Variants in ACSS2 observed in about 807,000 individuals in gnomAD.
ACSS2 encodes acetyl-coenzyme A synthetase, cytoplasmic.
Under a neutral mutation model 90.6 loss-of-function variants are expected in ACSS2, and 58 were observed. The observed-to-expected ratio is 0.64, with a 90% CI of 0.52 to 0.80. The LOEUF is 0.80. Among genes scored for constraint, ACSS2 ranks in the 30% least tolerant of loss-of-function variants. The pLI is 0.00. For missense variants in ACSS2, 759 were observed against 912.0 expected, an observed-to-expected ratio of 0.83 and a Z score of 2.16; for synonymous variants, 300 against 330.9, an observed-to-expected ratio of 0.91 and a Z score of 1.01.
intron 2 of ACSS2, among the ~76,000 whole-genome samples, chr20:34,887,564 A>G (rs960165385): frequency 2.0e-5 from 3 of 151,872 alleles, no homozygotes; most frequent in Non-Finnish European, 4.4e-5. Flanking sequence ...ACATGGTGAA[A>G]CCCTGTCTCT....
At chr20:34,913,869 A>G in intron 5 of ACSS2, 44 bp downstream of exon 5, 1 of 1,583,818 alleles carries the variant, frequency 6.3e-7, no homozygotes, top group South Asian at 1.1e-5. Flanking sequence ...CCCATACCTC[A>G]AGCCTTGGTC....
At position 34,926,290 on chromosome 20, in the gene ACSS2, C is replaced by G; in HGVS notation, c.1903+9C>G. The G allele has an allele frequency of 6.2e-7, 1 of 1,613,282 alleles. No homozygotes were observed. The highest frequency in any genetic ancestry group is 1.1e-5 in the South Asian group (1 of 91,026). On this transcript the variant is annotated intron_variant, in intron 16 of 17. Transcript: ENST00000360596. ...GGAGCTCAAGAAGCAGAGTAAGGAGCCTCCCTGGGCAGGGACTATAGGGTC... is the reference window on the plus strand; with the variant it reads ...GGAGCTCAAGAAGCAGAGTAAGGAGGCTCCCTGGGCAGGGACTATAGGGTC...
chr20:34,877,486 A>C (rs6120750), intron 1 of ACSS2, among the ~76,000 whole-genome samples: 49,852 of 151,970 alleles, frequency 0.33, 8,721 homozygotes, highest in Middle Eastern at 0.41. Flanking sequence ...GTAATAGTTC[A>C]GAAGTTCTGA....
chr20:34,913,214 T>A, intron 3 of ACSS2, 27 bp downstream of exon 3: 1 of 1,609,222 alleles, frequency 6.2e-7, no homozygotes, highest in Admixed American at 1.7e-5. Context: ...GGGAAAGGAC[T>A]GGGGGTCTGG....
intron 2 of ACSS2, among the ~76,000 whole-genome samples, chr20:34,894,420 G>A (rs2080413289): frequency 6.6e-6 from 1 of 152,154 alleles, no homozygotes; most frequent in Non-Finnish European, 1.5e-5. Context: ...AACCTGGGAG[G>A]CAGAGGTTGA....
intron 1 of ACSS2, among the ~76,000 whole-genome samples, 190 bp downstream of exon 1, chr20:34,877,013 G>A (rs1298058091): frequency 6.6e-6 from 1 of 152,216 alleles, no homozygotes; most frequent in Non-Finnish European, 1.5e-5. Flanking sequence ...TGGGAGCTGG[G>A]GAGTTCCCTG....
In ACSS2 at chr20:34,919,440, A is replaced by G; in HGVS notation, c.840A>G (p.Ser280=). ...IKRSCPDVQI[S]WNQGIDLWWH... is the part of the protein sequence containing the mutation. ...TTCCCTGCCCATCCCTGCAGATCTC[A>G]TGGAACCAAGGGATTGACTTGTGGT... is the stretch of plus-strand genomic sequence containing the variant. Residue 280 remains serine (S), a synonymous_variant, in exon 8 of 18, where the codon TCA becomes TCG. Coordinates refer to ENST00000360596, the MANE Select transcript of ACSS2 (RefSeq NM_018677.4). The G allele has an allele frequency of 6.2e-7, 1 of 1,612,756 alleles. No individual in the cohort carries two copies. The highest frequency in any genetic ancestry group is 8.5e-7 in the Non-Finnish European group (1 of 1,179,180).
chr20:34,876,599 A>G, upstream of ACSS2: 2 of 1,291,698 alleles, frequency 1.5e-6, no homozygotes, highest in Non-Finnish European at 2.0e-6. Context: ...CAGTCCCGGC[A>G]CCCGCCGCGA....
At chr20:34,909,314 G>A (rs1022780037) in intron 2 of ACSS2, among the ~76,000 whole-genome samples, 2 of 152,066 alleles carry the variant, frequency 1.3e-5, no homozygotes, top group Non-Finnish European at 2.9e-5. Flanking sequence ...GCTGTAGTGA[G>A]CTGTGATGGT....
At chr20:34,910,981 C>T (rs573089793) in intron 2 of ACSS2, among the ~76,000 whole-genome samples, 1 of 152,106 alleles carries the variant, frequency 6.6e-6, no homozygotes, top group East Asian at 1.9e-4. Context: ...CACCACCATG[C>T]TCAGCTAATT....
At chr20:34,890,924 A>ATG (rs1048673729) in intron 2 of ACSS2, among the ~76,000 whole-genome samples, 8 of 142,572 alleles carry the variant, frequency 5.6e-5, no homozygotes, top group Admixed American at 1.4e-4. Flanking sequence ...TTGTAGGCAT[A>ATG]TGTGTGTGTG....
intron 1 of ACSS2, among the ~76,000 whole-genome samples, chr20:34,882,505 C>G (rs2080091301): frequency 6.6e-6 from 1 of 151,970 alleles, no homozygotes; most frequent in South Asian, 2.1e-4. Flanking sequence ...GCCTGTAGTC[C>G]CAGCTACTCG....
At chr20:34,921,645 T>A in intron 12 of ACSS2, 45 bp downstream of exon 12, 2 of 1,613,910 alleles carry the variant, frequency 1.2e-6, no homozygotes, top group Non-Finnish European at 8.5e-7. Flanking sequence ...GCAGGGATGG[T>A]GTCTTGGGGC....
Position 34,923,367 on chromosome 20 carries a change from G to A in ACSS2, c.1593G>A (p.Gly531=), listed in dbSNP as rs145302620. The stretch of plus-strand genomic sequence containing the variant: ...CAGGGATCATGCGCACAGTCTATGG[G>A]AACCACGAACGCTTTGAGACAACCT... The part of the protein sequence containing the change: ...PWPGIMRTVY[G]NHERFETTYF... Residue 531 remains glycine, a synonymous_variant, in exon 14 of 18, where the codon GGG becomes GGA. Coordinates refer to ENST00000360596, the MANE Select transcript of ACSS2 (RefSeq NM_018677.4). The A allele has an allele frequency of 7.2e-5, 116 of 1,614,028 alleles. No homozygotes were observed. Among genetic ancestry groups the A allele is most frequent in the Non-Finnish European group, 8.6e-5 (102 of 1,180,038 alleles).
chr20:34,913,889 C>G (rs758361816), intron 5 of ACSS2, 64 bp downstream of exon 5: 10 of 1,537,952 alleles, frequency 6.5e-6, no homozygotes, highest in Non-Finnish European at 1.8e-6. Context: ...CTCCAATCAG[C>G]TCATTGGTAT....
At chr20:34,899,172 G>A (rs999413043) in intron 2 of ACSS2, among the ~76,000 whole-genome samples, 4 of 152,152 alleles carry the variant, frequency 2.6e-5, no homozygotes, top group South Asian at 2.1e-4. Context: ...CCCGGTTCCC[G>A]CTCGGGCCTC....
At chr20:34,876,044 G>C (rs1314793618), upstream of ACSS2, 1 of 152,970 alleles carries the variant, frequency 6.5e-6, no homozygotes, top group Non-Finnish European at 1.5e-5. Context: ...TGGAGGGAAG[G>C]GTGTCACCTG....
At chr20:34,907,042 A>G (rs1205479668) in intron 2 of ACSS2, among the ~76,000 whole-genome samples, 1 of 151,976 alleles carries the variant, frequency 6.6e-6, no homozygotes, top group Non-Finnish European at 1.5e-5. Context: ...CCAGTGAAGA[A>G]AACAGATAAT....
At chr20:34,899,408 T>TTC (rs1331995339) in intron 2 of ACSS2, among the ~76,000 whole-genome samples, 1 of 55,110 alleles carries the variant, frequency 1.8e-5, no homozygotes, top group East Asian at 3.8e-4. Context: ...CTTTCCTTCT[T>TTC]TCTTTCTTTC....
Sources: allele counts gnomAD v4.1 joint callset (sites outside exome capture counted in the v4.1 genomes callset), GRCh38; gene constraint gnomAD v4.1.1; transcripts MANE v1.5; gene names NCBI Gene and HGNC (gene_info 2026-07-23, HGNC 2026-07-21).